Variants in CA10 observed in about 807,000 individuals in gnomAD.
The protein encoded by CA10 is carbonic anhydrase 10 (inactive).
In CA10, 14 loss-of-function variants were observed where a neutral mutation model predicts 44.2. The ratio of observed to expected loss-of-function variants is 0.32; its 90% CI spans 0.21 to 0.50. CA10 has a LOEUF of 0.50. Among genes scored for constraint, CA10 ranks in the 20% least tolerant of loss-of-function variants. The pLI is 0.99. For synonymous variants in CA10, 159 were observed against 141.6 expected, an observed-to-expected ratio of 1.12 and a Z score of -0.87; for missense variants, 350 against 409.7, an observed-to-expected ratio of 0.85 and a Z score of 1.26.
chr17:52,144,659 A>G (rs185255525), intron 1 of CA10, among the ~76,000 whole-genome samples: 367 of 152,284 alleles, frequency 2.4e-3, no homozygotes, highest in African/African-American at 8.4e-3. Context: ...GATTCAACCA[A>G]CCTTAACTGA....
chr17:51,978,382 ATGTG>A (rs56108471), intron 2 of CA10, among the ~76,000 whole-genome samples: 3,661 of 142,014 alleles, frequency 0.026, 145 homozygotes, highest in African/African-American at 0.085. Context: ...GTGTGTCTGT[ATGTG>A]TGTGTGTGTG....
chr17:51,924,331 G>A (rs898333990), intron 3 of CA10, among the ~76,000 whole-genome samples: 3 of 152,292 alleles, frequency 2.0e-5, no homozygotes, highest in Middle Eastern at 3.4e-3. Flanking sequence ...CAAAAGGTAT[G>A]TACGAAGTAT....
At chr17:51,911,252 G>T (rs1453098785) in intron 3 of CA10, among the ~76,000 whole-genome samples, 1 of 152,124 alleles carries the variant, frequency 6.6e-6, no homozygotes, top group Non-Finnish European at 1.5e-5. Flanking sequence ...AGACTCATGA[G>T]CAAGAAATAC....
chr17:51,978,107 C>G (rs902535417), intron 2 of CA10, among the ~76,000 whole-genome samples: 3 of 152,034 alleles, frequency 2.0e-5, no homozygotes, highest in Non-Finnish European at 2.9e-5. Flanking sequence ...TTAAATAGAT[C>G]TAAAAATTCA....
intron 3 of CA10, among the ~76,000 whole-genome samples, chr17:51,835,650 G>C (rs1236906784): frequency 1.3e-5 from 2 of 152,198 alleles, no homozygotes; most frequent in Non-Finnish European, 2.9e-5. Flanking sequence ...TGGAGCAATG[G>C]GAGGGGGTTT....
At chr17:51,711,650 G>A (rs1463328558) in intron 4 of CA10, among the ~76,000 whole-genome samples, 3 of 152,230 alleles carry the variant, frequency 2.0e-5, no homozygotes, top group African/African-American at 4.8e-5. Context: ...GGAGGAAAGC[G>A]GGACAGAGCT....
chr17:51,945,517 T>TG lies in CA10; in HGVS notation c.137-14386dup, dbSNP rs1381073232. 3.3e-5 allele frequency among the ~76,000 whole-genome samples: 5 copies of TG among 152,274 alleles called. No individual in the cohort carries two copies. The South Asian group carries it at 1.0e-3, about 32-fold the overall frequency. ...CCAGGGGGCTGAGGCTCTTGCATTATGTGGGCCTTCTGAAGGTGCCAGGTA... is the reference window on the plus strand; with the variant it reads ...CCAGGGGGCTGAGGCTCTTGCATTATGGTGGGCCTTCTGAAGGTGCCAGGTA... On this transcript the variant is annotated intron_variant, in intron 2 of 8. Transcript: ENST00000451037.
chr17:51,876,853 C>A (rs1161613996), intron 3 of CA10, among the ~76,000 whole-genome samples: 1 of 152,154 alleles, frequency 6.6e-6, no homozygotes, highest in South Asian at 2.1e-4. Flanking sequence ...TGCCTGAGAG[C>A]TCCAATTGTT....
At chr17:51,744,397 G>A (rs564561522) in intron 4 of CA10, among the ~76,000 whole-genome samples, 21 of 151,962 alleles carry the variant, frequency 1.4e-4, no homozygotes, top group African/African-American at 2.7e-4. Flanking sequence ...CTGCTCATTC[G>A]AATGTGAGTC....
intron 2 of CA10, among the ~76,000 whole-genome samples, chr17:51,942,667 T>A (rs183851044): frequency 6.6e-6 from 1 of 152,016 alleles, no homozygotes; most frequent in Non-Finnish European, 1.5e-5. Flanking sequence ...CCAGGTGCCT[T>A]AGTTTTTACT....
intron 3 of CA10, among the ~76,000 whole-genome samples, chr17:51,760,438 G>C (rs1280363696): frequency 6.6e-6 from 1 of 152,168 alleles, no homozygotes; most frequent in African/African-American, 2.4e-5. Context: ...AGACAGGCCA[G>C]GTGTGTGACA....
At chr17:52,005,277 T>C (rs994571101) in intron 2 of CA10, among the ~76,000 whole-genome samples, 5 of 151,916 alleles carry the variant, frequency 3.3e-5, no homozygotes, top group Admixed American at 6.6e-5. Flanking sequence ...CAACACCCCA[T>C]TATGCTTCCA....
At chr17:51,931,432 C>T (rs1447750446) in intron 2 of CA10, among the ~76,000 whole-genome samples, 1 of 152,148 alleles carries the variant, frequency 6.6e-6, no homozygotes, top group African/African-American at 2.4e-5. Context: ...TTGTTCAGGT[C>T]TCATCATCTT....
At chr17:51,790,775 T>G (rs1160724363) in intron 3 of CA10, among the ~76,000 whole-genome samples, 2 of 152,224 alleles carry the variant, frequency 1.3e-5, no homozygotes, top group Non-Finnish European at 2.9e-5. Context: ...CATCTGTGCA[T>G]CTCATTCATA....
chr17:51,869,338 A>T, intron 3 of CA10, among the ~76,000 whole-genome samples: 1 of 152,190 alleles, frequency 6.6e-6, no homozygotes. Flanking sequence ...CAGAAAGCCT[A>T]AGAGCTGGTC....
intron 2 of CA10, among the ~76,000 whole-genome samples, chr17:51,955,220 G>A (rs537921599): frequency 2.1e-4 from 32 of 152,114 alleles, no homozygotes; most frequent in African/African-American, 7.7e-4. Flanking sequence ...ATCTCGAAGT[G>A]GTCACCTTTT....
At chr17:52,014,156 A>C (rs977741107) in intron 2 of CA10, among the ~76,000 whole-genome samples, 3 of 152,014 alleles carry the variant, frequency 2.0e-5, no homozygotes, top group African/African-American at 7.2e-5. Context: ...TTATAAATTC[A>C]TATGAATTTA....
intron 4 of CA10, among the ~76,000 whole-genome samples, chr17:51,719,866 C>T (rs1916296473): frequency 6.6e-6 from 1 of 152,068 alleles, no homozygotes; most frequent in Admixed American, 6.6e-5. Flanking sequence ...GCCTGGGTGG[C>T]AGAGCCAGGG....
chr17:52,139,198 T>C (rs1183251397), intron 1 of CA10, among the ~76,000 whole-genome samples: 1 of 152,188 alleles, frequency 6.6e-6, no homozygotes, highest in Non-Finnish European at 1.5e-5. Flanking sequence ...AGAATTCTGT[T>C]TGTGAAGGAA....
Sources: gnomAD v4.1 joint callset for allele counts (sites outside exome capture counted in the v4.1 genomes callset) on GRCh38, gnomAD v4.1.1 for gene constraint, MANE v1.5 for transcripts, NCBI Gene and HGNC (gene_info 2026-07-23, HGNC 2026-07-21) for gene names.